Variants in FOXP4 observed in about 807,000 individuals in gnomAD.
The protein encoded by FOXP4 is forkhead box protein P4.
In FOXP4, 25 loss-of-function variants were observed where a neutral mutation model predicts 82.6. The observed-to-expected ratio is 0.30, with a 90% CI of 0.22 to 0.42. The LOEUF is 0.42. Ranked by LOEUF, FOXP4 falls within the 10% of genes least tolerant of loss-of-function variation. FOXP4 has a pLI of 1.00. For missense variants in FOXP4, 785 were observed against 900.9 expected, an observed-to-expected ratio of 0.87 and a Z score of 1.65; for synonymous variants, 415 against 388.2, an observed-to-expected ratio of 1.07 and a Z score of -0.81.
At chr6:41,570,340 A>G (rs1488592169) in intron 2 of FOXP4, 3 of 471,032 alleles carry the variant, frequency 6.4e-6, no homozygotes, top group African/African-American at 6.0e-5. Context: ...ACACCAGTTC[A>G]TACCAGCTGC....
chr6:41,565,034 C>T lies in FOXP4; in HGVS notation c.-16-711C>T, dbSNP rs1764794376. 2.0e-5 allele frequency among the ~76,000 whole-genome samples: 3 copies of T among 152,124 alleles called. No individual in the cohort carries two copies. The South Asian group carries it at 6.2e-4, about 31-fold the overall frequency. On this transcript the variant is annotated intron_variant, in intron 1 of 16. Coordinates refer to ENST00000307972, the MANE Select transcript of FOXP4 (RefSeq NM_001012426.2). ...TAGGTTCCTAGTGAATAACTTTTGT[C>T]TTTGCTTTGTTGGTGTAGGTTTAAG...
At position 41,585,462 on chromosome 6, in the gene FOXP4, A is replaced by C; in HGVS notation, c.455A>C (p.Gln152Pro). ...LQEYYKKQQEQLHLQLLTQQQ... is the reference protein window; with the variant it reads ...LQEYYKKQQEPLHLQLLTQQQ... ...GAGTACTACAAGAAGCAGCAGGAGC[A>C]GCTCCACCTGCAGCTCCTCACCCAG... Residue 152 changes from glutamine (Q) to proline (P), a missense_variant, in exon 5 of 17, where the codon CAG becomes CCG. Transcript: ENST00000307972. The C allele has an allele frequency of 6.2e-7, 1 of 1,613,908 alleles. No individual in the cohort carries two copies. Among genetic ancestry groups the C allele is most frequent in the Non-Finnish European group, 8.5e-7 (1 of 1,179,894 alleles).
intron 10 of FOXP4, 35 bp downstream of exon 10, chr6:41,589,889 C>A (rs746653831): frequency 1.2e-6 from 2 of 1,610,506 alleles, no homozygotes; most frequent in Admixed American, 3.3e-5. Flanking sequence ...CCTCCCAGAG[C>A]CTTCCACAGA....
At chr6:41,581,697 C>A (rs1213541569) in intron 3 of FOXP4, among the ~76,000 whole-genome samples, 1 of 152,236 alleles carries the variant, frequency 6.6e-6, no homozygotes. Flanking sequence ...ACTTCCCAGA[C>A]CCTTTGTGAC....
At chr6:41,556,179 C>T (rs1247227825) in intron 1 of FOXP4, among the ~76,000 whole-genome samples, 1 of 152,064 alleles carries the variant, frequency 6.6e-6, no homozygotes, top group Non-Finnish European at 1.5e-5. Context: ...TTCAGTTTGG[C>T]TCAGTCACTT....
Position 41,590,296 on chromosome 6 carries a change from C to T in FOXP4, c.1383C>T (p.Tyr461=), listed in dbSNP as rs1221739730. The T allele has an allele frequency of 1.2e-6, 2 of 1,614,064 alleles. No homozygotes were observed. Among genetic ancestry groups the T allele is most frequent in the South Asian group, 2.2e-5 (2 of 91,078 alleles). The change falls in exon 12 of 17, where the codon TAC becomes TAT. Residue 461 remains tyrosine, a synonymous_variant. Transcript: ENST00000307972. ...AGCTGGCCCAGAATCATGAGTTCTA[C>T]AAGAACGCCGACGTCCGGCCCCCCT... The part of the protein sequence containing the change: ...SSELAQNHEF[Y]KNADVRPPFT...
intron 2 of FOXP4, among the ~76,000 whole-genome samples, chr6:41,576,934 T>C (rs1279211117): frequency 6.6e-6 from 1 of 152,140 alleles, no homozygotes; most frequent in African/African-American, 2.4e-5. Flanking sequence ...ATAAATTTTG[T>C]GCTGCTGAAA....
intron 5 of FOXP4, 90 bp downstream of exon 5, chr6:41,585,607 G>A: frequency 8.4e-7 from 1 of 1,196,394 alleles, no homozygotes; most frequent in Non-Finnish European, 1.2e-6. Flanking sequence ...TGCCTTGCAG[G>A]AATAGTAGAA....
chr6:41,558,628 C>A lies in FOXP4; in HGVS notation c.-16-7117C>A, dbSNP rs1372140727. On this transcript the variant is annotated intron_variant, in intron 1 of 16. Transcript: ENST00000307972. The surrounding 1 kb of genome is among the most constrained non-coding windows in gnomAD (Gnocchi z 4.0). ...AAGAGGCCAGGAAGGGTTAGCAGTT[C>A]ATCTGGCAAATGAGTGGCTGGCTAA... Among the ~76,000 whole-genome samples, 3 of 152,218 alleles carry A rather than the reference C, an allele frequency of 2.0e-5. No homozygotes were observed. Among genetic ancestry groups the A allele is most frequent in the Non-Finnish European group, 4.4e-5 (3 of 68,048 alleles).
rs373584060 is a variant in FOXP4, at chr6:41,597,959, A to G, written c.1895+9A>G. 3 of 1,502,652 alleles carry G rather than the reference A, an allele frequency of 2.0e-6. No individual in the cohort carries two copies. Among genetic ancestry groups the G allele is most frequent in the Non-Finnish European group, 1.8e-6 (2 of 1,128,166 alleles). The allele number at this position is 1,502,652 out of a possible 1,614,324, so 93.1% of individuals were successfully genotyped here. The stretch of plus-strand genomic sequence containing the variant: ...TCCCCGCCCCAGTACAGGTGAGCAC[A>G]CAGCACGGACCCCCACCCACCCCAG... On this transcript the variant is annotated intron_variant, in intron 16 of 16. Transcript: ENST00000307972.
At chr6:41,567,571 C>G (rs1562019724) in intron 2 of FOXP4, among the ~76,000 whole-genome samples, 1 of 152,238 alleles carries the variant, frequency 6.6e-6, no homozygotes, top group East Asian at 1.9e-4. Flanking sequence ...CCAGCTCTTC[C>G]ATCTCTGTGA....
At chr6:41,590,898 A>G (rs1427436583) in intron 12 of FOXP4, among the ~76,000 whole-genome samples, 1 of 152,246 alleles carries the variant, frequency 6.6e-6, no homozygotes, top group Non-Finnish European at 1.5e-5. Context: ...CAAGAAAGAC[A>G]GGACTGACTG....
At position 41,578,001 on chromosome 6, in the gene FOXP4, C is replaced by T. The variant is rs753544764; in HGVS notation, c.220C>T (p.Arg74Trp). 8.1e-6 allele frequency: 13 copies of T among 1,612,552 alleles called. No homozygotes were observed. The highest frequency in any genetic ancestry group is 5.3e-5 in the African/African-American group (4 of 74,926). The change falls in exon 3 of 17, where the codon CGG (arginine) becomes TGG (tryptophan). Residue 74 changes from arginine to tryptophan, a missense_variant. By Grantham distance (101) the Arg-to-Trp change is moderately radical. Coordinates refer to ENST00000307972, the MANE Select transcript of FOXP4 (RefSeq NM_001012426.2). ...FQQQQALQVA[R>W]QFLLQQASGL... ...TGTCTTGCAGGCTCTCCAAGTGGCCCGGCAGTTCCTGCTGCAGCAGGCCTC... is the reference window on the plus strand; with the variant it reads ...TGTCTTGCAGGCTCTCCAAGTGGCCTGGCAGTTCCTGCTGCAGCAGGCCTC...
intron 2 of FOXP4, among the ~76,000 whole-genome samples, chr6:41,572,175 G>A (rs1048966141): frequency 1.3e-5 from 2 of 152,136 alleles, no homozygotes; most frequent in Non-Finnish European, 2.9e-5. Context: ...AATTCATAAT[G>A]CACCCAGCTT....
intron 1 of FOXP4, among the ~76,000 whole-genome samples, chr6:41,554,138 ACT>A (rs1764151373): frequency 6.6e-6 from 1 of 151,768 alleles, no homozygotes. Flanking sequence ...GGTAATTATC[ACT>A]CTCATTTGAT....
chr6:41,577,921 A>G, intron 2 of FOXP4, 65 bp from the exon 3 acceptor site: 1 of 1,218,772 alleles, frequency 8.2e-7, no homozygotes, highest in Non-Finnish European at 1.2e-6. Flanking sequence ...TGCCCCAAAC[A>G]CTCCCTAATC....
chr6:41,586,272 C>G (rs1036576329), intron 5 of FOXP4, among the ~76,000 whole-genome samples: 1 of 152,290 alleles, frequency 6.6e-6, no homozygotes, highest in South Asian at 2.1e-4. Context: ...AGCCAGCCCC[C>G]ACCCTACCCC....
chr6:41,598,814 C>T lies in FOXP4; in HGVS notation c.1921C>T (p.Pro641Ser), dbSNP rs931324105. The T allele has an allele frequency of 3.2e-6, 5 of 1,568,142 alleles. No homozygotes were observed. Among genetic ancestry groups the T allele is most frequent in the Non-Finnish European group, 4.3e-6 (5 of 1,156,738 alleles). Reference sequence around the variant, plus strand: ...CCACCAGGTGCAGGTGAAGGAGGAGCCAGCAGAGGCAGAGGAAGACAGGCA... The same window carrying T: ...CCACCAGGTGCAGGTGAAGGAGGAGTCAGCAGAGGCAGAGGAAGACAGGCA... ...YSHQVQVKEE[P>S]AEAEEDRQPG... is the part of the protein sequence containing the mutation. Residue 641 changes from proline (P) to serine (S), a missense_variant, in exon 17 of 17, where the codon CCA becomes TCA. Pro to Ser is a moderately conservative substitution (Grantham distance 74). Around this residue, in one of 3 missense-constraint regions of FOXP4, gnomAD observed 184 missense variants for 187.3 expected, o/e 0.98. Coordinates refer to ENST00000307972, the MANE Select transcript of FOXP4 (RefSeq NM_001012426.2).
intron 8 of FOXP4, 93 bp downstream of exon 8, chr6:41,587,990 T>C: frequency 1.5e-6 from 1 of 670,624 alleles, no homozygotes; most frequent in Non-Finnish European, 2.6e-6. Flanking sequence ...CTGGGAGCCC[T>C]CCTCACTAGC....
Sources: gnomAD v4.1 joint callset for allele counts (sites outside exome capture counted in the v4.1 genomes callset) on GRCh38, gnomAD v4.1.1 for gene constraint, gnomAD v4.1.1 regional missense constraint, Gnocchi (gnomAD v3.1) non-coding constraint, MANE v1.5 for transcripts, NCBI Gene and HGNC (gene_info 2026-07-23, HGNC 2026-07-21) for gene names.